Variants in CHN1 observed in about 807,000 individuals in gnomAD.
CHN1 encodes chimerin 1.
In CHN1, 37 loss-of-function variants were observed where a neutral mutation model predicts 59.5. That is an observed-to-expected ratio of 0.62 (90% CI 0.48 to 0.82). CHN1 has a LOEUF of 0.82. Among genes scored for constraint, CHN1 ranks in the 40% least tolerant of loss-of-function variants. CHN1 has a pLI of 0.00. For synonymous variants in CHN1, 206 were observed against 200.4 expected (o/e 1.03, Z -0.24); for missense variants, 469 against 571.0 (o/e 0.82, Z 1.82).
chr2:174,911,898 G>T (rs1688714528), intron 5 of CHN1, among the ~76,000 whole-genome samples: 1 of 152,144 alleles, frequency 6.6e-6, no homozygotes, highest in Non-Finnish European at 1.5e-5. Context: ...TACTGGGAAG[G>T]ATAAGGCTGG....
intron 8 of CHN1, among the ~76,000 whole-genome samples, chr2:174,822,510 A>C (rs1300484672): frequency 6.6e-6 from 1 of 152,236 alleles, no homozygotes; most frequent in African/African-American, 2.4e-5. Context: ...AAATGGAAAC[A>C]ATATACACCC....
At chr2:174,820,419 GTGA>G (rs1367104283) in intron 8 of CHN1, among the ~76,000 whole-genome samples, 1 of 152,208 alleles carries the variant, frequency 6.6e-6, no homozygotes, top group African/African-American at 2.4e-5. Context: ...CTGATGGCCA[GTGA>G]TGATGAGCAT....
intron 8 of CHN1, among the ~76,000 whole-genome samples, chr2:174,820,898 A>G (rs1685467167): frequency 6.6e-6 from 1 of 152,178 alleles, no homozygotes; most frequent in South Asian, 2.1e-4. Flanking sequence ...AGCAGCTTTA[A>G]ACATTTAAAC....
At chr2:175,000,229 C>T (rs752153775) in intron 1 of CHN1, among the ~76,000 whole-genome samples, 1 of 150,406 alleles carries the variant, frequency 6.6e-6, no homozygotes, top group African/African-American at 2.5e-5. Flanking sequence ...CAACCTCTAC[C>T]TCCTGGGGTT....
chr2:174,841,156 T>C (rs1447887788), intron 7 of CHN1, among the ~76,000 whole-genome samples: 1 of 152,312 alleles, frequency 6.6e-6, no homozygotes, highest in Admixed American at 6.5e-5. Context: ...CTTTGTGAAA[T>C]GTTTCTTTTC....
chr2:174,816,811 G>A lies in CHN1; in HGVS notation c.713-4329C>T, dbSNP rs574150730. The stretch of plus-strand genomic sequence containing the variant: ...GAACTGGAAGAACTCTTATAACAAC[G>A]TTTTAGAAGCATGAAATTCAACAAC... On this transcript the variant is annotated intron_variant, in intron 8 of 12. Coordinates refer to ENST00000409900, the MANE Select transcript of CHN1 (RefSeq NM_001822.7). Among the ~76,000 whole-genome samples the A allele has an allele frequency of 3.3e-5, 5 of 152,076 alleles. No homozygotes were observed. In the South Asian group the frequency reaches 6.2e-4, roughly 19 times the overall value.
intron 7 of CHN1, among the ~76,000 whole-genome samples, chr2:174,845,634 T>A (rs912903004): frequency 6.6e-6 from 1 of 152,128 alleles, no homozygotes; most frequent in Admixed American, 6.6e-5. Flanking sequence ...GAAAACGTTA[T>A]TTAGTTTATT....
intron 3 of CHN1, among the ~76,000 whole-genome samples, chr2:174,940,610 C>T (rs552691149): frequency 2.0e-5 from 3 of 151,884 alleles, no homozygotes; most frequent in Non-Finnish European, 4.4e-5. Flanking sequence ...CTGAATTTGT[C>T]TGATTCGTAC....
At chr2:174,943,582 T>G (rs1285892735) in intron 3 of CHN1, among the ~76,000 whole-genome samples, 1 of 152,078 alleles carries the variant, frequency 6.6e-6, no homozygotes, top group Non-Finnish European at 1.5e-5. Flanking sequence ...ACGTGACCAT[T>G]TACATGGTTC....
intron 6 of CHN1, among the ~76,000 whole-genome samples, chr2:174,864,990 C>A (rs1045269292): frequency 6.6e-6 from 1 of 152,062 alleles, no homozygotes; most frequent in Non-Finnish European, 1.5e-5. Context: ...ATGAAAGGAA[C>A]AAGATTATTT....
chr2:174,999,577 C>A (rs1691818364), intron 1 of CHN1, among the ~76,000 whole-genome samples: 1 of 152,060 alleles, frequency 6.6e-6, no homozygotes. Context: ...TAAAGCATGA[C>A]CAAACAGTAT....
intron 8 of CHN1, 149 bp from the exon 9 acceptor site, chr2:174,812,631 A>G: frequency 7.5e-6 from 5 of 664,016 alleles, no homozygotes; most frequent in South Asian, 4.4e-5. Flanking sequence ...TGGAAAAACA[A>G]TAATTTTCAT....
intron 6 of CHN1, among the ~76,000 whole-genome samples, chr2:174,854,862 T>A (rs1257607589): frequency 6.6e-6 from 1 of 152,194 alleles, no homozygotes; most frequent in Non-Finnish European, 1.5e-5. Flanking sequence ...CATTGTTCTA[T>A]GCAATGTGAG....
At position 174,960,398 on chromosome 2, in the gene CHN1, A is replaced by ACT. The variant is rs572705184; in HGVS notation, c.20-8198_20-8197dup. ...AAGATACCTGGACTACATGAAAAGG[A>ACT]CTTTACCTTTTAATCTCTTAGAAAG... is the stretch of plus-strand genomic sequence containing the variant. On this transcript the variant is annotated intron_variant, in intron 1 of 12. Transcript: ENST00000409900. 8.0e-4 allele frequency among the ~76,000 whole-genome samples: 122 copies of ACT among 152,348 alleles called. 1 individual carries two copies. The Middle Eastern group carries it at 0.014, about 17-fold the overall frequency.
intron 3 of CHN1, among the ~76,000 whole-genome samples, chr2:174,936,804 A>G (rs144058780): frequency 6.2e-4 from 94 of 152,272 alleles, no homozygotes; most frequent in African/African-American, 2.2e-3. Flanking sequence ...ATAAGATACA[A>G]CTGTATCATG....
chr2:174,936,971 A>T (rs1689516163), intron 3 of CHN1, among the ~76,000 whole-genome samples: 3 of 152,290 alleles, frequency 2.0e-5, no homozygotes, highest in South Asian at 2.1e-4. Context: ...AACCTTTAAT[A>T]AAAAAATCAT....
At chr2:174,853,403 T>A (rs1436678787) in intron 6 of CHN1, among the ~76,000 whole-genome samples, 4 of 152,150 alleles carry the variant, frequency 2.6e-5, no homozygotes, top group Non-Finnish European at 1.5e-5. Flanking sequence ...AGATACCATC[T>A]CACACCAGTC....
chr2:174,963,559 CAG>C (rs1192615118), intron 1 of CHN1, among the ~76,000 whole-genome samples: 2 of 152,164 alleles, frequency 1.3e-5, no homozygotes, highest in African/African-American at 4.8e-5. Flanking sequence ...GCAAACAATG[CAG>C]AGTGGCTGAA....
Position 174,809,179 on chromosome 2 carries a change from C to A in CHN1, c.965-137G>T, listed in dbSNP as rs543766746. On this transcript the variant is annotated intron_variant, in intron 10 of 12. Coordinates refer to ENST00000409900, the MANE Select transcript of CHN1 (RefSeq NM_001822.7). ...TTTTAACGTAAAATTTAGTGTGCTA[C>A]GTTACATATTAATGATTAATTTTCT... 4.0e-6 allele frequency: 3 copies of A among 752,620 alleles called. No individual in the cohort carries two copies. In the African/African-American group the frequency reaches 5.3e-5, roughly 13 times the overall value. The allele number at this position is 752,620 out of a possible 1,614,324, so 46.6% of individuals were successfully genotyped here. A position where few individuals can be genotyped will look rare whatever the true frequency, so the allele number is the denominator to read the frequency against.
Sources: gnomAD v4.1 joint callset for allele counts (sites outside exome capture counted in the v4.1 genomes callset) on GRCh38, gnomAD v4.1.1 for gene constraint, MANE v1.5 for transcripts, NCBI Gene and HGNC (gene_info 2026-07-23, HGNC 2026-07-21) for gene names.